COL23A1: variants seen among roughly 807,000 people sequenced by gnomAD.
COL23A1 encodes the protein collagen type XXIII alpha 1 chain.
In COL23A1, 97 loss-of-function variants were observed where a neutral mutation model predicts 99.3. The observed-to-expected ratio is 0.98, with a 90% CI of 0.83 to 1.16. The LOEUF (loss-of-function observed/expected upper bound fraction) is 1.16. Ranked by LOEUF, COL23A1 falls within the 50% of genes most tolerant of loss-of-function variation. The pLI is 0.00. For missense variants in COL23A1, 762 were observed against 757.4 expected, an observed-to-expected ratio of 1.01 and a Z score of -0.07; for synonymous variants, 320 against 308.2, an observed-to-expected ratio of 1.04 and a Z score of -0.40.
At chr5:178,562,249 GAAAA>G (rs777023242) in intron 1 of COL23A1, 13 of 197,632 alleles carry the variant, frequency 6.6e-5, no homozygotes, top group South Asian at 1.1e-4. Context: ...CTCAAAAAAA[GAAAA>G]AAAAAAAAAA....
chr5:178,525,720 C>T (rs910295015), intron 2 of COL23A1, among the ~76,000 whole-genome samples: 19 of 143,206 alleles, frequency 1.3e-4, no homozygotes, highest in Admixed American at 6.5e-4. Context: ...CGACACAGCG[C>T]GCAGACCCCA....
At chr5:178,253,726 C>G (rs1765158555) in intron 16 of COL23A1, among the ~76,000 whole-genome samples, 1 of 152,016 alleles carries the variant, frequency 6.6e-6, no homozygotes, top group Non-Finnish European at 1.5e-5. Flanking sequence ...CGTGATCCAC[C>G]TGCCTCGGGC....
At chr5:178,496,876 T>A (rs1199908919) in intron 2 of COL23A1, among the ~76,000 whole-genome samples, 2 of 152,228 alleles carry the variant, frequency 1.3e-5, no homozygotes, top group East Asian at 3.8e-4. Flanking sequence ...ATTTCTCATG[T>A]GAAATCTTAC....
intron 2 of COL23A1, among the ~76,000 whole-genome samples, chr5:178,530,724 T>C (rs1760598938): frequency 6.6e-6 from 1 of 152,166 alleles, no homozygotes; most frequent in Non-Finnish European, 1.5e-5. Flanking sequence ...CCATCCAGCG[T>C]AACCTGCCAG....
chr5:178,249,495 G>C (rs557912010), intron 18 of COL23A1, among the ~76,000 whole-genome samples: 1 of 152,294 alleles, frequency 6.6e-6, no homozygotes, highest in Non-Finnish European at 1.5e-5. Flanking sequence ...CATGGGGCCA[G>C]CTCTGTGCTC....
chr5:178,543,563 A>G (rs1222716007), intron 2 of COL23A1, among the ~76,000 whole-genome samples: 58 of 152,248 alleles, frequency 3.8e-4, no homozygotes, highest in Non-Finnish European at 3.8e-4. Flanking sequence ...GCCTGGAGTG[A>G]GCCCCGGGGG....
intron 21 of COL23A1, 52 bp downstream of exon 21, chr5:178,247,723 G>T: frequency 6.3e-7 from 1 of 1,583,744 alleles, no homozygotes; most frequent in Non-Finnish European, 8.7e-7. Context: ...CCCCCACCCC[G>T]CCTCTTGGTT....
chr5:178,394,640 C>T (rs576730607), intron 2 of COL23A1, among the ~76,000 whole-genome samples: 1 of 152,324 alleles, frequency 6.6e-6, no homozygotes, highest in Admixed American at 6.5e-5. Context: ...CAAGTTCAGC[C>T]TCCTGGTTCC....
In COL23A1 at chr5:178,428,868, G is replaced by A. The variant is rs1766092453; in HGVS notation, c.362-121949C>T. On this transcript the variant is annotated intron_variant, in intron 2 of 28. Transcript: ENST00000390654. The surrounding 1 kb of genome is among the most constrained non-coding windows in gnomAD (Gnocchi z 5.0). Reference sequence around the variant, plus strand: ...TGCCCCTGGAGTGGTGCCTCGTGGGGGTGGGGGCAGGGCTGCCTTTGCCTC... The same window carrying A: ...TGCCCCTGGAGTGGTGCCTCGTGGGAGTGGGGGCAGGGCTGCCTTTGCCTC... 6.6e-6 allele frequency among the ~76,000 whole-genome samples: 1 copy of A among 152,126 alleles called. No homozygotes were observed. Among genetic ancestry groups the A allele is most frequent in the Admixed American group, 6.5e-5 (1 of 15,280 alleles).
intron 1 of COL23A1, among the ~76,000 whole-genome samples, chr5:178,573,589 A>C (rs572765440): frequency 1.9e-4 from 29 of 152,378 alleles, no homozygotes; most frequent in Admixed American, 9.1e-4. Flanking sequence ...GGGATTCCTC[A>C]GTAATCCTTC....
chr5:178,334,759 A>T (rs1760228936), intron 2 of COL23A1, among the ~76,000 whole-genome samples: 1 of 152,088 alleles, frequency 6.6e-6, no homozygotes, highest in Non-Finnish European at 1.5e-5. Flanking sequence ...TAGTCTGGGT[A>T]TTTTCACATA....
chr5:178,280,075 T>A lies in COL23A1; in HGVS notation c.441+8249A>T, dbSNP rs946092876. 6.6e-6 allele frequency among the ~76,000 whole-genome samples: 1 copy of A among 152,150 alleles called. No individual in the cohort carries two copies. Among genetic ancestry groups the A allele is most frequent in the Non-Finnish European group, 1.5e-5 (1 of 68,030 alleles). Reference sequence around the variant, plus strand: ...TACCCGCTGAATGGATCAACAACGGTGAAGGGAACGATTCTCTGAATGAAC... The same window carrying A: ...TACCCGCTGAATGGATCAACAACGGAGAAGGGAACGATTCTCTGAATGAAC... On this transcript the variant is annotated intron_variant, in intron 5 of 28. Coordinates refer to ENST00000390654, the MANE Select transcript of COL23A1 (RefSeq NM_173465.4). The surrounding 1 kb of genome is among the most constrained non-coding windows in gnomAD (Gnocchi z 4.9).
Position 178,590,252 on chromosome 5 carries a change from C to A in COL23A1, c.-55G>T, listed in dbSNP as rs970646136. 1.6e-5 allele frequency: 19 copies of A among 1,195,502 alleles called. No homozygotes were observed. The highest frequency in any genetic ancestry group is 1.9e-5 in the Non-Finnish European group (18 of 962,492). 74.1% of individuals were successfully genotyped at this position (1,195,502 alleles called of 1,614,324 possible). A position where few individuals can be genotyped will look rare whatever the true frequency, so the allele number is the denominator to read the frequency against. On this transcript the variant is annotated 5_prime_UTR_variant, in exon 1 of 29. Transcript: ENST00000390654. The surrounding 1 kb of genome is among the most constrained non-coding windows in gnomAD (Gnocchi z 5.7). ...GGGGGCGGTGCTGCTGGGGCAGAGG[C>A]TGGGTGCGAGAGGAGCAGGCGGGAC...
intron 2 of COL23A1, among the ~76,000 whole-genome samples, chr5:178,523,195 T>TAC (rs1355046736): frequency 1.3e-4 from 10 of 78,896 alleles, no homozygotes; most frequent in South Asian, 7.8e-4. Context: ...TATATATATA[T>TAC]ATATATAGAG....
intron 2 of COL23A1, among the ~76,000 whole-genome samples, chr5:178,316,290 T>C (rs1007040519): frequency 2.0e-5 from 3 of 152,250 alleles, no homozygotes; most frequent in Middle Eastern, 3.2e-3. Flanking sequence ...ACGTCTGGGT[T>C]TGTTACCTTC....
At chr5:178,535,704 C>T (rs1356859393) in intron 2 of COL23A1, among the ~76,000 whole-genome samples, 1 of 152,260 alleles carries the variant, frequency 6.6e-6, no homozygotes, top group East Asian at 1.9e-4. Flanking sequence ...CATCACCCTG[C>T]ATCCTGTCTG....
At chr5:178,328,775 C>A (rs56722278) in intron 2 of COL23A1, among the ~76,000 whole-genome samples, 51 of 152,230 alleles carry the variant, frequency 3.4e-4, no homozygotes, top group African/African-American at 1.1e-3. Context: ...TAGTTCTAGA[C>A]GGTTATAGAG....
chr5:178,588,464 G>A (rs983837411), intron 1 of COL23A1, among the ~76,000 whole-genome samples: 3 of 152,214 alleles, frequency 2.0e-5, no homozygotes, highest in Admixed American at 6.5e-5. Context: ...CTAACAGGTA[G>A]AAACTTTACT....
At chr5:178,495,053 G>A (rs1581501515) in intron 2 of COL23A1, among the ~76,000 whole-genome samples, 1 of 152,232 alleles carries the variant, frequency 6.6e-6, no homozygotes, top group Non-Finnish European at 1.5e-5. Context: ...CACTGCCAGT[G>A]TCTGGGACCA....
Sources: allele counts gnomAD v4.1 joint callset (sites outside exome capture counted in the v4.1 genomes callset), GRCh38; gene constraint gnomAD v4.1.1; non-coding constraint Gnocchi (gnomAD v3.1); transcripts MANE v1.5; gene names NCBI Gene and HGNC (gene_info 2026-07-23, HGNC 2026-07-21).